SMYD3: variants seen among roughly 807,000 people sequenced by gnomAD.
The protein encoded by SMYD3 is SET and MYND domain containing 3.
Under a neutral mutation model 57.7 loss-of-function variants are expected in SMYD3, and 36 were observed. The ratio of observed to expected loss-of-function variants is 0.62; its 90% CI spans 0.48 to 0.82. The LOEUF (loss-of-function observed/expected upper bound fraction) is 0.82, where lower values mean the gene tolerates loss of function less well. SMYD3 is among the 40% of genes least tolerant of loss of function. The probability of loss-of-function intolerance (pLI) is 0.00; values close to 1 mark genes in which losing one functional copy is unlikely to be tolerated. For synonymous variants in SMYD3, 211 were observed against 195.0 expected (o/e 1.08, Z -0.68); for missense variants, 515 against 538.8 (o/e 0.96, Z 0.44).
chr1:246,421,800 C>T (rs2067146737), intron 1 of SMYD3, among the ~76,000 whole-genome samples: 1 of 152,224 alleles, frequency 6.6e-6, no homozygotes, highest in Non-Finnish European at 1.5e-5. Context: ...GAACAGAACA[C>T]ACTCGAAAGC....
intron 5 of SMYD3, among the ~76,000 whole-genome samples, chr1:246,171,065 C>T (rs1039452399): frequency 6.6e-6 from 1 of 151,938 alleles, no homozygotes; most frequent in Non-Finnish European, 1.5e-5. Flanking sequence ...TCTTTCAGTA[C>T]ATGTTATGGT....
At chr1:245,972,502 G>A (rs563476679) in intron 5 of SMYD3, among the ~76,000 whole-genome samples, 1 of 152,354 alleles carries the variant, frequency 6.6e-6, no homozygotes, top group African/African-American at 2.4e-5. Context: ...TCTGGAAAGT[G>A]TACAGAATAA....
intron 1 of SMYD3, among the ~76,000 whole-genome samples, chr1:246,396,792 T>C (rs1011279500): frequency 1.3e-5 from 2 of 152,204 alleles, no homozygotes; most frequent in East Asian, 1.9e-4. Flanking sequence ...TTCACTATGA[T>C]TGTATGTTTC....
intron 10 of SMYD3, 126 bp downstream of exon 10, chr1:245,858,370 C>T: frequency 1.0e-6 from 1 of 960,342 alleles, no homozygotes; most frequent in Non-Finnish European, 1.5e-6. Flanking sequence ...TGGTTTTAAA[C>T]AATGGTTGAG....
At chr1:246,456,931 A>C (rs534759716) in intron 1 of SMYD3, among the ~76,000 whole-genome samples, 146 of 152,370 alleles carry the variant, frequency 9.6e-4, no homozygotes, top group African/African-American at 3.4e-3. Flanking sequence ...CGAATGGACC[A>C]GACTAATCCA....
chr1:246,154,770 G>GTTTTGTT (rs527945068), intron 5 of SMYD3, among the ~76,000 whole-genome samples: 1 of 149,728 alleles, frequency 6.7e-6, no homozygotes, highest in African/African-American at 2.5e-5. Flanking sequence ...TTTTTTTTTT[G>GTTTTGTT]TTTTGTTTTT....
intron 5 of SMYD3, among the ~76,000 whole-genome samples, chr1:245,955,067 C>T (rs556310896): frequency 6.6e-6 from 1 of 152,138 alleles, no homozygotes; most frequent in Non-Finnish European, 1.5e-5. Flanking sequence ...CTCTGTCATT[C>T]CCAAGTCAGG....
chr1:246,336,631 A>G (rs2148674196), intron 2 of SMYD3, among the ~76,000 whole-genome samples: 1 of 152,344 alleles, frequency 6.6e-6, no homozygotes, highest in Non-Finnish European at 1.5e-5. Flanking sequence ...TTTACTTAGC[A>G]TTCTACAAGG....
At chr1:245,904,998 A>T (rs1208530204) in intron 8 of SMYD3, among the ~76,000 whole-genome samples, 1 of 151,832 alleles carries the variant, frequency 6.6e-6, no homozygotes. Flanking sequence ...CTGAGCCGGA[A>T]GGGAAGCCGC....
In SMYD3 at chr1:245,915,597, C is replaced by T. The variant is rs781096043; in HGVS notation, c.746G>A (p.Arg249His). 22 of 1,613,856 alleles carry T rather than the reference C, an allele frequency of 1.4e-5. No individual in the cohort carries two copies. The highest frequency in any genetic ancestry group is 4.0e-5 in the African/African-American group (3 of 74,900). The change falls in exon 8 of 12, where the codon CGC becomes CAC. Residue 249 changes from arginine to histidine, a missense_variant. Transcript: ENST00000490107. Reference protein sequence around the residue: ...YLDMLMTSEERRKQLRDQYCF... With the variant: ...YLDMLMTSEEHRKQLRDQYCF... The stretch of plus-strand genomic sequence containing the variant: ...GTACTGGTCCCTCAGCTGCTTCCGG[C>T]GCTCCTCACTGGTCATCAGCATATC...
chr1:245,878,575 T>C (rs935569887), intron 8 of SMYD3, among the ~76,000 whole-genome samples: 3 of 152,194 alleles, frequency 2.0e-5, no homozygotes. Flanking sequence ...CCCTATCTAC[T>C]GAAATCAAGA....
chr1:246,036,537 CTCTT>C (rs2059774489), intron 5 of SMYD3, among the ~76,000 whole-genome samples: 2 of 97,018 alleles, frequency 2.1e-5, no homozygotes, highest in Non-Finnish European at 3.5e-5. Flanking sequence ...TCTTCTTTCT[CTCTT>C]TTTTTTTTTT....
chr1:246,366,416 T>C (rs72778126), intron 1 of SMYD3, among the ~76,000 whole-genome samples: 3,615 of 152,242 alleles, frequency 0.024, 69 homozygotes, highest in Non-Finnish European at 0.038. Flanking sequence ...ACTGAAACTT[T>C]GATATGTTAC....
intron 5 of SMYD3, among the ~76,000 whole-genome samples, chr1:246,266,795 GAA>G (rs2064117861): frequency 1.5e-5 from 2 of 135,154 alleles, no homozygotes; most frequent in East Asian, 5.4e-4. Context: ...AAGAAAGAGA[GAA>G]AGAGAGAGAG....
chr1:245,810,594 C>G (rs749697213), intron 10 of SMYD3, among the ~76,000 whole-genome samples: 3 of 152,118 alleles, frequency 2.0e-5, no homozygotes, highest in Non-Finnish European at 2.9e-5. Flanking sequence ...GGGAGTGATT[C>G]AAGAACTGAT....
intron 5 of SMYD3, among the ~76,000 whole-genome samples, chr1:245,986,282 T>A (rs1294629771): frequency 6.6e-6 from 1 of 152,218 alleles, no homozygotes; most frequent in African/African-American, 2.4e-5. Flanking sequence ...AGAAGTTTTC[T>A]CATTACAACA....
rs373755413 is a variant in SMYD3 at position 246,216,212 on chromosome 1, G to A, written c.531+110989C>T. Among the ~76,000 whole-genome samples the A allele has an allele frequency of 6.5e-4, 99 of 151,840 alleles. 1 individual carries two copies. The highest frequency in any genetic ancestry group is 1.3e-3 in the African/African-American group (53 of 41,338). ...TGAGGCAGGAGAATCGCTTGAACCCGGGAGGCAGAGGTTGCAGTGAGCCGA... is the reference window on the plus strand; with the variant it reads ...TGAGGCAGGAGAATCGCTTGAACCCAGGAGGCAGAGGTTGCAGTGAGCCGA... On this transcript the variant is annotated intron_variant, in intron 5 of 11. Transcript: ENST00000490107.
chr1:246,147,633 C>T (rs57468404), intron 5 of SMYD3, among the ~76,000 whole-genome samples: 5,042 of 151,644 alleles, frequency 0.033, 283 homozygotes, highest in African/African-American at 0.11. Flanking sequence ...GCAGGCGCCC[C>T]GCCTTCCTGG....
At chr1:246,106,473 C>T (rs574850677) in intron 5 of SMYD3, among the ~76,000 whole-genome samples, 6 of 149,076 alleles carry the variant, frequency 4.0e-5, no homozygotes, top group East Asian at 4.2e-4. Flanking sequence ...AACAGCAAGG[C>T]GAGTAAACTG....
Sources: gnomAD v4.1 joint callset for allele counts (sites outside exome capture counted in the v4.1 genomes callset) on GRCh38, gnomAD v4.1.1 for gene constraint, MANE v1.5 for transcripts, NCBI Gene and HGNC (gene_info 2026-07-23, HGNC 2026-07-21) for gene names.